POU2F3: variants seen among roughly 807,000 people sequenced by gnomAD.
POU2F3 encodes POU domain, class 2, transcription factor 3.
Under a neutral mutation model 59.2 loss-of-function variants are expected in POU2F3, and 23 were observed. The observed-to-expected ratio is 0.39, with a 90% CI of 0.28 to 0.55. The LOEUF (loss-of-function observed/expected upper bound fraction) is 0.55. Ranked by LOEUF, POU2F3 falls within the 20% of genes least tolerant of loss-of-function variation. POU2F3 has a pLI of 0.66. For synonymous variants in POU2F3, 190 were observed against 214.6 expected (o/e 0.89, Z 1.00); for missense variants, 473 against 544.5 (o/e 0.87, Z 1.31).
upstream of POU2F3, among the ~76,000 whole-genome samples, chr11:120,238,005 C>A (rs928154181): frequency 1.3e-5 from 2 of 152,156 alleles, no homozygotes; most frequent in African/African-American, 2.4e-5. Context: ...CTTTGGGAGG[C>A]CGAGGCAGGC....
At chr11:120,297,102 A>G (rs1274980929) in intron 3 of POU2F3, among the ~76,000 whole-genome samples, 1 of 152,262 alleles carries the variant, frequency 6.6e-6, no homozygotes, top group African/African-American at 2.4e-5. Context: ...GGGAACAACC[A>G]GATGTCCACA....
chr11:120,240,060 T>G (rs776796196), upstream of POU2F3: 6 of 1,087,098 alleles, frequency 5.5e-6, no homozygotes, highest in Non-Finnish European at 6.7e-6. Flanking sequence ...CTGCTTTGCA[T>G]GGGCCTGGGG....
Position 120,319,106 on chromosome 11 carries a change from G to C in POU2F3, c.*714G>C, listed in dbSNP as rs1941858043. 1 of 152,620 alleles carries C rather than the reference G, an allele frequency of 6.6e-6. No homozygotes were observed. Among genetic ancestry groups the C allele is most frequent in the Non-Finnish European group, 1.5e-5 (1 of 68,086 alleles). 9.5% of individuals were successfully genotyped at this position (152,620 alleles called of 1,614,324 possible). A position where few individuals can be genotyped will look rare whatever the true frequency, so the allele number is the denominator to read the frequency against. On this transcript the variant is annotated 3_prime_UTR_variant, in exon 13 of 13. Coordinates refer to ENST00000543440, the MANE Select transcript of POU2F3 (RefSeq NM_014352.4). ...CCTTCTGTCTGTCCACGTCTGCCTA[G>C]GGCTCAGGAGTGCTTGTTCTTTCCC...
chr11:120,288,330 CA>C (rs925010111), intron 3 of POU2F3, among the ~76,000 whole-genome samples: 1 of 152,098 alleles, frequency 6.6e-6, no homozygotes, highest in Non-Finnish European at 1.5e-5. Flanking sequence ...TACATTTCAG[CA>C]AGATCTCTAT....
intron 2 of POU2F3, among the ~76,000 whole-genome samples, chr11:120,264,432 G>T (rs1206149758): frequency 6.6e-6 from 1 of 152,198 alleles, no homozygotes; most frequent in Non-Finnish European, 1.5e-5. Flanking sequence ...CCTTTGTTTT[G>T]CTTTGGATAA....
chr11:120,277,492 T>A (rs914028145), intron 3 of POU2F3, among the ~76,000 whole-genome samples: 1 of 151,770 alleles, frequency 6.6e-6, no homozygotes, highest in Non-Finnish European at 1.5e-5. Context: ...ATAGAAAACA[T>A]AGGCCAGGTG....
intron 4 of POU2F3, among the ~76,000 whole-genome samples, chr11:120,299,402 G>A (rs1038350731): frequency 6.6e-6 from 1 of 152,194 alleles, no homozygotes; most frequent in Non-Finnish European, 1.5e-5. Flanking sequence ...GTAACAATAT[G>A]TAGTAAGGAC....
intron 1 of POU2F3, 105 bp downstream of exon 1, chr11:120,240,476 G>T (rs1938614463): frequency 2.4e-6 from 3 of 1,257,324 alleles, no homozygotes; most frequent in Non-Finnish European, 3.0e-6. Context: ...TTTCCCAGCG[G>T]CCAGGAGAGG....
intron 3 of POU2F3, among the ~76,000 whole-genome samples, chr11:120,289,553 G>A (rs4938794): frequency 0.052 from 7,881 of 152,054 alleles, 284 homozygotes; most frequent in Middle Eastern, 0.082. Context: ...CTGCTCACCC[G>A]CCTGTCCTCT....
intron 2 of POU2F3, among the ~76,000 whole-genome samples, chr11:120,246,813 G>C (rs1392438296): frequency 6.6e-6 from 1 of 152,232 alleles, no homozygotes; most frequent in Non-Finnish European, 1.5e-5. Flanking sequence ...CAACTGCTGT[G>C]ACTGGCAGAG....
chr11:120,255,471 T>A (rs538621117), intron 2 of POU2F3, among the ~76,000 whole-genome samples: 1 of 152,110 alleles, frequency 6.6e-6, no homozygotes, highest in Non-Finnish European at 1.5e-5. Flanking sequence ...GCAGGGTGAA[T>A]TTCCATATCC....
intron 3 of POU2F3, among the ~76,000 whole-genome samples, chr11:120,297,548 C>A (rs865795451): frequency 6.6e-6 from 1 of 152,114 alleles, no homozygotes; most frequent in South Asian, 2.1e-4. Flanking sequence ...GGAGACTCCT[C>A]CAGATCAGTG....
intron 10 of POU2F3, among the ~76,000 whole-genome samples, chr11:120,314,740 G>A (rs989321755): frequency 6.6e-6 from 1 of 152,146 alleles, no homozygotes; most frequent in African/African-American, 2.4e-5. Context: ...TGAATTGCAT[G>A]GGAGGGTAAA....
At chr11:120,252,633 A>G (rs528989998) in intron 2 of POU2F3, among the ~76,000 whole-genome samples, 2 of 152,320 alleles carry the variant, frequency 1.3e-5, no homozygotes, top group South Asian at 4.1e-4. Context: ...GAGATCGCAG[A>G]ACAGCCTGTG....
At chr11:120,262,206 A>G (rs1939625835) in intron 2 of POU2F3, among the ~76,000 whole-genome samples, 1 of 152,266 alleles carries the variant, frequency 6.6e-6, no homozygotes, top group Non-Finnish European at 1.5e-5. Flanking sequence ...AATTTCAGAC[A>G]TACAGAAAAA....
intron 3 of POU2F3, among the ~76,000 whole-genome samples, chr11:120,293,091 A>G (rs1440641543): frequency 6.6e-6 from 1 of 152,130 alleles, no homozygotes; most frequent in African/African-American, 2.4e-5. Flanking sequence ...CCAGCCTCCT[A>G]GGAGCCATAT....
At chr11:120,308,572 A>G (rs1941562464) in intron 9 of POU2F3, among the ~76,000 whole-genome samples, 2 of 152,162 alleles carry the variant, frequency 1.3e-5, no homozygotes, top group African/African-American at 2.4e-5. Context: ...ATGTATTGCT[A>G]TGCCACAGTC....
At chr11:120,302,129 C>T in intron 5 of POU2F3, 157 bp from the exon 6 acceptor site, 1 of 622,520 alleles carries the variant, frequency 1.6e-6, no homozygotes, top group East Asian at 2.8e-5. Flanking sequence ...CCTGGCAGTG[C>T]TAGGAGGGCC....
In POU2F3 at chr11:120,318,221, C is replaced by T. The variant is rs755835787; in HGVS notation, c.1272-132C>T. 105 of 781,724 alleles carry T rather than the reference C, an allele frequency of 1.3e-4. 1 individual carries two copies. The highest frequency in any genetic ancestry group is 2.2e-4 in the African/African-American group (13 of 58,232). 48.4% of individuals were successfully genotyped at this position (781,724 alleles called of 1,614,324 possible). A position where few individuals can be genotyped will look rare whatever the true frequency, so the allele number is the denominator to read the frequency against. Reference sequence around the variant, plus strand: ...ATTCACAAGGTTGTGCAACCATCAGCGTTATCTAATTCCAGGATGTTTTTA... The same window carrying T: ...ATTCACAAGGTTGTGCAACCATCAGTGTTATCTAATTCCAGGATGTTTTTA... On this transcript the variant is annotated intron_variant, in intron 12 of 12. Transcript: ENST00000543440.
Sources: allele counts gnomAD v4.1 joint callset (sites outside exome capture counted in the v4.1 genomes callset), GRCh38; gene constraint gnomAD v4.1.1; transcripts MANE v1.5; gene names NCBI Gene and HGNC (gene_info 2026-07-23, HGNC 2026-07-21).